TBC1D16: variants seen among roughly 807,000 people sequenced by gnomAD.
TBC1D16 encodes the protein CTD-2529O21.1.
A neutral mutation model predicts 74.7 loss-of-function variants in TBC1D16; 58 were observed. That is an observed-to-expected ratio of 0.78 (90% confidence interval 0.63 to 0.97). The LOEUF (loss-of-function observed/expected upper bound fraction) is 0.97. Ranked by LOEUF, TBC1D16 falls within the 50% of genes least tolerant of loss-of-function variation. TBC1D16 has a pLI of 0.00. For synonymous variants in TBC1D16, 493 were observed against 474.7 expected, an observed-to-expected ratio of 1.04 and a Z score of -0.50; for missense variants, 1,014 against 1,079.5, an observed-to-expected ratio of 0.94 and a Z score of 0.85.
At position 80,013,438 on chromosome 17, in the gene TBC1D16, A is replaced by G; in HGVS notation, c.110T>C (p.Ile37Thr). The G allele has an allele frequency of 6.2e-7, 1 of 1,606,120 alleles. No individual in the cohort carries two copies. The highest frequency in any genetic ancestry group is 2.2e-5 in the East Asian group (1 of 44,648). The change falls in exon 2 of 12, where the codon ATC (isoleucine) becomes ACC (threonine). Residue 37 changes from isoleucine (I) to threonine (T), a missense_variant. Transcript: ENST00000310924. ...GCAGACATTGTTCTTGGAGTAGATGATCTCTCCATCCAGGACAGAGGGGGA... is the reference window on the plus strand; with the variant it reads ...GCAGACATTGTTCTTGGAGTAGATGGTCTCTCCATCCAGGACAGAGGGGGA... ...SGSPSVLDGE[I>T]IYSKNNVCVH...
At chr17:80,017,135 G>A (rs1478334394) in intron 1 of TBC1D16, among the ~76,000 whole-genome samples, 2 of 151,988 alleles carry the variant, frequency 1.3e-5, no homozygotes, top group Non-Finnish European at 2.9e-5. Flanking sequence ...GAAGAAAGTC[G>A]ACCCCTTGGT....
chr17:80,028,891 C>T (rs538781259), intron 1 of TBC1D16, among the ~76,000 whole-genome samples: 3 of 152,202 alleles, frequency 2.0e-5, no homozygotes, highest in Admixed American at 1.3e-4. Flanking sequence ...GGATTACACG[C>T]GTGAGCCACC....
rs973678075 is a variant in TBC1D16, at chr17:79,986,222, G to A, written c.779+23938C>T. Among the ~76,000 whole-genome samples the A allele has an allele frequency of 1.3e-5, 2 of 152,260 alleles. No individual in the cohort carries two copies. Among genetic ancestry groups the A allele is most frequent in the African/African-American group, 2.4e-5 (1 of 41,468 alleles). Reference sequence around the variant, plus strand: ...AGGGCAGGAGGCGGCAAGCATGGGTGCTGGGTCCACCTCACCCACTTGGGG... The same window carrying A: ...AGGGCAGGAGGCGGCAAGCATGGGTACTGGGTCCACCTCACCCACTTGGGG... On this transcript the variant is annotated intron_variant, in intron 3 of 11. Coordinates refer to ENST00000310924, the MANE Select transcript of TBC1D16 (RefSeq NM_019020.4). This position sits in a 1 kb window ranked among gnomAD's most constrained non-coding sequence, Gnocchi z 6.0.
chr17:79,996,512 G>C (rs756360889), intron 3 of TBC1D16, among the ~76,000 whole-genome samples: 1 of 152,144 alleles, frequency 6.6e-6, no homozygotes, highest in Non-Finnish European at 1.5e-5. Flanking sequence ...GGAGAAACAA[G>C]GCACTCGTAA....
rs900260084 is a variant in TBC1D16, at chr17:80,001,490, G to A, written c.779+8670C>T. Among the ~76,000 whole-genome samples the A allele has an allele frequency of 5.9e-5, 9 of 152,206 alleles. No homozygotes were observed. Among genetic ancestry groups the A allele is most frequent in the Admixed American group, 1.3e-4 (2 of 15,282 alleles). ...CCGGCTGCCAGGCTGCGCTGGGCCC[G>A]GAGGGGTGGGCGGGGGTTCCTGGAG... On this transcript the variant is annotated intron_variant, in intron 3 of 11. Transcript: ENST00000310924. The surrounding 1 kb of genome is among the most constrained non-coding windows in gnomAD (Gnocchi z 5.8).
At position 79,940,817 on chromosome 17, in the gene TBC1D16, G is replaced by A. The variant is rs1314011778; in HGVS notation, c.*42C>T. On this transcript the variant is annotated 3_prime_UTR_variant, in exon 12 of 12. Coordinates refer to ENST00000310924, the MANE Select transcript of TBC1D16 (RefSeq NM_019020.4). The surrounding 1 kb of genome is among the most constrained non-coding windows in gnomAD (Gnocchi z 5.4). ...ACCCCCTCCCGTGCCCAGGGCCTCT[G>A]AGGAGGTCCCCTCAACCCCTGTCCG... The A allele has an allele frequency of 6.7e-7, 1 of 1,486,626 alleles. No individual in the cohort carries two copies. Among genetic ancestry groups the A allele is most frequent in the Non-Finnish European group, 9.0e-7 (1 of 1,111,760 alleles). The allele number at this position is 1,486,626 out of a possible 1,614,324, so 92.1% of individuals were successfully genotyped here. A position where few individuals can be genotyped will look rare whatever the true frequency, so the allele number is the denominator to read the frequency against.
intron 3 of TBC1D16, among the ~76,000 whole-genome samples, chr17:79,958,649 A>C (rs946132605): frequency 1.3e-5 from 2 of 152,258 alleles, no homozygotes; most frequent in Non-Finnish European, 2.9e-5. Flanking sequence ...CCCACAATAA[A>C]GGCATACATG....
intron 11 of TBC1D16, 47 bp downstream of exon 11, chr17:79,942,013 G>A: frequency 2.2e-6 from 3 of 1,372,832 alleles, no homozygotes; most frequent in Non-Finnish European, 2.9e-6. Flanking sequence ...GTGGGGTGGG[G>A]CTTTGGGGGC....
intron 3 of TBC1D16, among the ~76,000 whole-genome samples, chr17:79,984,619 G>GCGAAGGAA (rs1491290219): frequency 2.0e-5 from 2 of 102,528 alleles, no homozygotes; most frequent in East Asian, 2.9e-4. Flanking sequence ...GAGGGAGGGA[G>GCGAAGGAA]TGAAGGAAGG....
chr17:80,023,726 T>C (rs2036376411), intron 1 of TBC1D16, among the ~76,000 whole-genome samples: 1 of 149,150 alleles, frequency 6.7e-6, no homozygotes, highest in Admixed American at 6.6e-5. Flanking sequence ...GGCCCCGCTG[T>C]GGGCTTCCCT....
intron 1 of TBC1D16, among the ~76,000 whole-genome samples, chr17:80,026,806 T>C (rs2036597015): frequency 2.0e-5 from 3 of 149,608 alleles, no homozygotes; most frequent in Non-Finnish European, 4.4e-5. Flanking sequence ...AAGAAAACCA[T>C]TCGTCCTGGG....
Position 79,983,586 on chromosome 17 carries a change from G to A in TBC1D16, c.779+26574C>T, listed in dbSNP as rs1192444772. Among the ~76,000 whole-genome samples the A allele has an allele frequency of 6.6e-6, 1 of 152,168 alleles. No homozygotes were observed. The highest frequency in any genetic ancestry group is 1.5e-5 in the Non-Finnish European group (1 of 68,008). On this transcript the variant is annotated intron_variant, in intron 3 of 11. Transcript: ENST00000310924. The surrounding 1 kb of genome is among the most constrained non-coding windows in gnomAD (Gnocchi z 5.6). The stretch of plus-strand genomic sequence containing the variant: ...TACAAAGACGGGGACGCTTTCCTAG[G>A]GCTCAAAGCAAGGCAGAATGTTGAG...
intron 3 of TBC1D16, among the ~76,000 whole-genome samples, chr17:79,968,148 A>G (rs2033917234): frequency 6.6e-6 from 1 of 152,190 alleles, no homozygotes; most frequent in Non-Finnish European, 1.5e-5. Flanking sequence ...GTGCGCCACC[A>G]TACCCAGTTA....
At position 79,975,374 on chromosome 17, in the gene TBC1D16, C is replaced by T. The variant is rs2034290602; in HGVS notation, c.780-22556G>A. Among the ~76,000 whole-genome samples, 2 of 152,176 alleles carry T rather than the reference C, an allele frequency of 1.3e-5. No individual in the cohort carries two copies. On this transcript the variant is annotated intron_variant, in intron 3 of 11. Coordinates refer to ENST00000310924, the MANE Select transcript of TBC1D16 (RefSeq NM_019020.4). This position sits in a 1 kb window ranked among gnomAD's most constrained non-coding sequence, Gnocchi z 4.5. Reference sequence around the variant, plus strand: ...TGCCAGGTCCTATTCACACCCTTGGCCCCAGCTGGCTGTGAGGTTTCCTGG... The same window carrying T: ...TGCCAGGTCCTATTCACACCCTTGGTCCCAGCTGGCTGTGAGGTTTCCTGG...
chr17:80,016,481 T>G (rs1383476659), intron 1 of TBC1D16, among the ~76,000 whole-genome samples: 1 of 152,172 alleles, frequency 6.6e-6, no homozygotes, highest in East Asian at 1.9e-4. Context: ...GGTCTCCGGG[T>G]ATATGATCTT....
At chr17:80,006,756 TTAAGCCATCCTCCTGCCTCAGCC>T (rs2035693461) in intron 3 of TBC1D16, among the ~76,000 whole-genome samples, 1 of 152,026 alleles carries the variant, frequency 6.6e-6, no homozygotes, top group South Asian at 2.1e-4. Context: ...CCTCCCAGGC[TTAAGCCATCCTCCTGCCTCAGCC>T]TCCTGAGTAG....
intron 1 of TBC1D16, among the ~76,000 whole-genome samples, chr17:80,014,372 A>T (rs1386623996): frequency 2.0e-5 from 3 of 152,162 alleles, no homozygotes; most frequent in African/African-American, 7.2e-5. Context: ...AAAAGAAAGA[A>T]GGAAAATTTA....
At chr17:79,942,255 C>T in intron 10 of TBC1D16, 49 bp from the exon 11 acceptor site, 1 of 1,539,472 alleles carries the variant, frequency 6.5e-7, no homozygotes, top group Non-Finnish European at 8.8e-7. Flanking sequence ...GAGCCCCAGG[C>T]CCTGCACTCA....
rs750662814 is a variant in TBC1D16, at chr17:79,956,314, T to C, written c.780-3496A>G. On this transcript the variant is annotated intron_variant, in intron 3 of 11. Transcript: ENST00000310924. This position sits in a 1 kb window ranked among gnomAD's most constrained non-coding sequence, Gnocchi z 4.0. ...TATCCCCCTGGCTGAAGTGCGGTGG[T>C]GCAAACACAACTCACCGCAGCCTCA... Among the ~76,000 whole-genome samples the C allele has an allele frequency of 6.6e-6, 1 of 152,200 alleles. No homozygotes were observed. The highest frequency in any genetic ancestry group is 2.1e-4 in the South Asian group (1 of 4,830).
Sources: allele counts gnomAD v4.1 joint callset (sites outside exome capture counted in the v4.1 genomes callset), GRCh38; gene constraint gnomAD v4.1.1; non-coding constraint Gnocchi (gnomAD v3.1); transcripts MANE v1.5; gene names NCBI Gene and HGNC (gene_info 2026-07-23, HGNC 2026-07-21).